The following LSM14A variants were observed in gnomAD, a reference collection of about 807,000 sequenced individuals.
The protein encoded by LSM14A is protein LSM14 homolog A.
LSM14A carries 14 observed loss-of-function variants against 52.4 expected under a neutral mutation model. That is an observed-to-expected ratio of 0.27 (90% CI 0.18 to 0.42). The LOEUF is 0.42. LSM14A is among the 10% of genes least tolerant of loss of function. The pLI is 1.00. For synonymous variants in LSM14A, 185 were observed against 200.3 expected, an observed-to-expected ratio of 0.92 and a Z score of 0.64; for missense variants, 417 against 581.8, an observed-to-expected ratio of 0.72 and a Z score of 2.91.
At chr19:34,226,384 T>TTC in intron 9 of LSM14A, 1 of 1,472,228 alleles carries the variant, frequency 6.8e-7, no homozygotes, top group African/African-American at 1.4e-5. Flanking sequence ...TCTTTTTTTT[T>TTC]TTTTTTTTTT....
At chr19:34,221,900 A>G (rs639361) in intron 9 of LSM14A, 162 bp downstream of exon 9, 459,304 of 1,344,378 alleles carry the variant, frequency 0.34, 82,169 homozygotes, top group African/African-American at 0.39. Flanking sequence ...ATGTATATAT[A>G]AAGACATTAT....
intron 1 of LSM14A, 59 bp from the exon 2 acceptor site, chr19:34,194,419 G>C: frequency 7.4e-7 from 1 of 1,355,408 alleles, no homozygotes; most frequent in Non-Finnish European, 1.0e-6. Flanking sequence ...TTAGAATCTG[G>C]GGTACTACCT....
intron 1 of LSM14A, among the ~76,000 whole-genome samples, chr19:34,187,502 C>G (rs1364225219): frequency 1.3e-5 from 2 of 152,066 alleles, no homozygotes; most frequent in African/African-American, 4.8e-5. Flanking sequence ...GTTGGCTAGG[C>G]TGGGCTCAAA....
chr19:34,181,297 T>C (rs1444208961), intron 1 of LSM14A, among the ~76,000 whole-genome samples: 1 of 152,192 alleles, frequency 6.6e-6, no homozygotes, highest in African/African-American at 2.4e-5. Flanking sequence ...AAAACCCCAC[T>C]GTACTTGAAC....
intron 3 of LSM14A, among the ~76,000 whole-genome samples, chr19:34,197,738 G>T (rs2070970926): frequency 6.6e-6 from 1 of 152,100 alleles, no homozygotes; most frequent in Non-Finnish European, 1.5e-5. Context: ...ACCAAGCCCG[G>T]CCTAAAACAT....
chr19:34,215,046 C>T (rs978344504), intron 4 of LSM14A, 78 bp from the exon 5 acceptor site: 1 of 1,216,480 alleles, frequency 8.2e-7, no homozygotes, highest in African/African-American at 1.5e-5. Flanking sequence ...AAATAAAACT[C>T]TGGACAATTT....
intron 3 of LSM14A, among the ~76,000 whole-genome samples, chr19:34,201,232 ATTTG>A (rs1321344986): frequency 6.6e-6 from 1 of 152,190 alleles, no homozygotes; most frequent in Non-Finnish European, 1.5e-5. Context: ...GGTTAGGATA[ATTTG>A]TGGAGTGGCT....
intron 3 of LSM14A, among the ~76,000 whole-genome samples, chr19:34,207,500 G>T (rs2071790387): frequency 6.6e-6 from 1 of 151,168 alleles, no homozygotes; most frequent in African/African-American, 2.4e-5. Flanking sequence ...GGCTCCCCTT[G>T]TCTAAGATAC....
intron 9 of LSM14A, among the ~76,000 whole-genome samples, chr19:34,224,711 T>G (rs964694738): frequency 6.6e-6 from 1 of 152,236 alleles, no homozygotes; most frequent in Non-Finnish European, 1.5e-5. Flanking sequence ...CCTATCTGAT[T>G]CAAGCAAGCT....
intron 3 of LSM14A, among the ~76,000 whole-genome samples, chr19:34,197,689 C>T (rs1315351786): frequency 2.0e-5 from 3 of 152,088 alleles, no homozygotes; most frequent in Non-Finnish European, 4.4e-5. Context: ...GATCCACCCA[C>T]CTCAGCCTCC....
intron 3 of LSM14A, among the ~76,000 whole-genome samples, chr19:34,199,974 A>AC (rs1374755994): frequency 3.3e-5 from 5 of 152,238 alleles, no homozygotes; most frequent in African/African-American, 1.2e-4. Flanking sequence ...CCCTTGTAAC[A>AC]CAGACATCTG....
chr19:34,199,381 T>C (rs1225757363), intron 3 of LSM14A, among the ~76,000 whole-genome samples: 1 of 152,186 alleles, frequency 6.6e-6, no homozygotes, highest in Non-Finnish European at 1.5e-5. Flanking sequence ...TCCGCCCATC[T>C]TGGCCTCCAA....
chr19:34,208,006 T>G (rs2071835045), intron 3 of LSM14A, among the ~76,000 whole-genome samples: 1 of 152,110 alleles, frequency 6.6e-6, no homozygotes, highest in Admixed American at 6.5e-5. Context: ...CTTCATGTGT[T>G]TTAGGAGCAG....
At chr19:34,174,005 A>G (rs1025308798) in intron 1 of LSM14A, among the ~76,000 whole-genome samples, 1 of 152,020 alleles carries the variant, frequency 6.6e-6, no homozygotes. Flanking sequence ...CTGGAGTGCA[A>G]AGGCAATGAT....
chr19:34,216,286 G>A (rs928514408), intron 6 of LSM14A, among the ~76,000 whole-genome samples: 3 of 151,410 alleles, frequency 2.0e-5, no homozygotes, highest in South Asian at 2.1e-4. Flanking sequence ...AGTGGCGGGC[G>A]CCTGTAGTCC....
rs779130878 is a variant in LSM14A at position 34,215,304 on chromosome 19, G to A, written c.715+4G>A. The A allele has an allele frequency of 7.5e-6, 12 of 1,605,648 alleles. No individual in the cohort carries two copies. In the East Asian group the frequency reaches 2.2e-4, roughly 30 times the overall value. ...GAGAATCAGGAGCACAGGCGAGGTAGAACTTTAGCTGTTTACTGTTCCTTA... is the reference window on the plus strand; with the variant it reads ...GAGAATCAGGAGCACAGGCGAGGTAAAACTTTAGCTGTTTACTGTTCCTTA... On this transcript the variant is annotated splice_donor_region_variant and intron_variant, in intron 5 of 9. Transcript: ENST00000544216.
chr19:34,198,947 A>G (rs1259163876), intron 3 of LSM14A, among the ~76,000 whole-genome samples: 7 of 152,050 alleles, frequency 4.6e-5, no homozygotes, highest in Non-Finnish European at 1.0e-4. Context: ...AGATCGTACC[A>G]CTGCACTCCA....
At chr19:34,178,711 A>G (rs1337240945) in intron 1 of LSM14A, among the ~76,000 whole-genome samples, 1 of 152,182 alleles carries the variant, frequency 6.6e-6, no homozygotes, top group East Asian at 1.9e-4. Flanking sequence ...TCTTGGGTAT[A>G]CCTCCAAATA....
intron 3 of LSM14A, among the ~76,000 whole-genome samples, chr19:34,203,257 G>A (rs1163563730): frequency 2.6e-5 from 4 of 152,188 alleles, no homozygotes; most frequent in African/African-American, 9.6e-5. Flanking sequence ...TACTCCAGTT[G>A]ATTGTTTAAG....
Sources: allele counts gnomAD v4.1 joint callset (sites outside exome capture counted in the v4.1 genomes callset), GRCh38; gene constraint gnomAD v4.1.1; transcripts MANE v1.5; gene names NCBI Gene and HGNC (gene_info 2026-07-23, HGNC 2026-07-21).